NUDT5: variants seen among roughly 807,000 people sequenced by gnomAD.
NUDT5 encodes ADP-sugar pyrophosphatase.
A neutral mutation model predicts 34.1 loss-of-function variants in NUDT5; 21 were observed. The observed-to-expected ratio is 0.62, with a 90% CI of 0.44 to 0.89. The LOEUF is 0.89. Ranked by LOEUF, NUDT5 falls within the 40% of genes least tolerant of loss-of-function variation. NUDT5 has a pLI of 0.00. For synonymous variants in NUDT5, 85 were observed against 97.6 expected, an observed-to-expected ratio of 0.87 and a Z score of 0.76; for missense variants, 249 against 274.8, an observed-to-expected ratio of 0.91 and a Z score of 0.66.
rs571219776 is a variant in NUDT5 at position 12,172,871 on chromosome 10, G to A, written c.386-5C>T. 1.2e-6 allele frequency: 2 copies of A among 1,600,040 alleles called. No individual in the cohort carries two copies. Among genetic ancestry groups the A allele is most frequent in the South Asian group, 1.1e-5 (1 of 90,624 alleles). ...AGCCTGGGTCCATACAGACCGCTGT[G>A]GAGAGAAGGGACAGTCAGATGCGTC... On this transcript the variant is annotated splice_region_variant and splice_polypyrimidine_tract_variant and intron_variant, in intron 6 of 9. Coordinates refer to ENST00000491614, the MANE Select transcript of NUDT5 (RefSeq NM_014142.4).
intron 1 of NUDT5, among the ~76,000 whole-genome samples, chr10:12,193,672 T>C (rs992870936): frequency 6.6e-6 from 1 of 152,182 alleles, no homozygotes; most frequent in African/African-American, 2.4e-5. Context: ...GTTAAATGTG[T>C]AACAAGTTAC....
rs925433832 is a variant in NUDT5 at position 12,187,025 on chromosome 10, T to G, written c.-41-693A>C. Among the ~76,000 whole-genome samples the G allele has an allele frequency of 6.6e-6, 1 of 152,074 alleles. No homozygotes were observed. The highest frequency in any genetic ancestry group is 1.5e-5 in the Non-Finnish European group (1 of 68,028). ...ACCTCTCAGTCTTTTATCCATCTGT[T>G]ACACCTAAACTTACTTATTTTTTGA... is the stretch of plus-strand genomic sequence containing the variant. On this transcript the variant is annotated intron_variant, in intron 1 of 9. Coordinates refer to ENST00000491614, the MANE Select transcript of NUDT5 (RefSeq NM_014142.4). The surrounding 1 kb of genome is among the most constrained non-coding windows in gnomAD (Gnocchi z 5.4).
At position 12,182,799 on chromosome 10, in the gene NUDT5, C is replaced by T. The variant is rs1186143989; in HGVS notation, c.131+2090G>A. On this transcript the variant is annotated intron_variant, in intron 3 of 9. Transcript: ENST00000491614. The surrounding 1 kb of genome is among the most constrained non-coding windows in gnomAD (Gnocchi z 4.3). ...TCGCCCAGGCTGGAGTACAGTGGTGCAGTCTCGGCTCACTGCAACCACCTC... is the reference window on the plus strand; with the variant it reads ...TCGCCCAGGCTGGAGTACAGTGGTGTAGTCTCGGCTCACTGCAACCACCTC... Among the ~76,000 whole-genome samples, 1 of 152,130 alleles carries T rather than the reference C, an allele frequency of 6.6e-6. No homozygotes were observed. Among genetic ancestry groups the T allele is most frequent in the Non-Finnish European group, 1.5e-5 (1 of 68,016 alleles).
intron 1 of NUDT5, among the ~76,000 whole-genome samples, chr10:12,193,447 C>T (rs528048693): frequency 6.6e-6 from 1 of 152,286 alleles, no homozygotes. Context: ...TCTCCTCCCC[C>T]ATAATCACAT....
chr10:12,186,165 A>C, intron 2 of NUDT5, 64 bp downstream of exon 2: 1 of 1,193,572 alleles, frequency 8.4e-7, no homozygotes, highest in Non-Finnish European at 1.3e-6. Context: ...ACAACAGTCT[A>C]TATATTTCTG....
chr10:12,169,008 C>G lies in NUDT5; in HGVS notation c.551-1197G>C, dbSNP rs1429550869. Among the ~76,000 whole-genome samples the G allele has an allele frequency of 6.6e-6, 1 of 152,170 alleles. No homozygotes were observed. The highest frequency in any genetic ancestry group is 2.4e-5 in the African/African-American group (1 of 41,430). On this transcript the variant is annotated intron_variant, in intron 9 of 9. Transcript: ENST00000491614. This position sits in a 1 kb window ranked among gnomAD's most constrained non-coding sequence, Gnocchi z 4.8. ...GAGCTCCTGACCTCAAGTGATCAGCCTACCTCGGCCTCCCAAAGTGCTGGG... is the reference window on the plus strand; with the variant it reads ...GAGCTCCTGACCTCAAGTGATCAGCGTACCTCGGCCTCCCAAAGTGCTGGG...
In NUDT5 at chr10:12,175,308, G is replaced by A. The variant is rs759056696; in HGVS notation, c.290-1495C>T. On this transcript the variant is annotated intron_variant, in intron 5 of 9. Transcript: ENST00000491614. This position sits in a 1 kb window ranked among gnomAD's most constrained non-coding sequence, Gnocchi z 4.8. The stretch of plus-strand genomic sequence containing the variant: ...GCACTCTAGCTTGGGCAACAAAAGT[G>A]AAACTGCATCTCAAAAAATAAATAA... 6.6e-6 allele frequency among the ~76,000 whole-genome samples: 1 copy of A among 151,336 alleles called. No homozygotes were observed. The highest frequency in any genetic ancestry group is 1.5e-5 in the Non-Finnish European group (1 of 67,910).
rs1041010321 is a variant in NUDT5, at chr10:12,169,052, C to T, written c.551-1241G>A. 2.0e-5 allele frequency among the ~76,000 whole-genome samples: 3 copies of T among 152,148 alleles called. No individual in the cohort carries two copies. The highest frequency in any genetic ancestry group is 4.4e-5 in the Non-Finnish European group (3 of 68,028). On this transcript the variant is annotated intron_variant, in intron 9 of 9. Transcript: ENST00000491614. The surrounding 1 kb of genome is among the most constrained non-coding windows in gnomAD (Gnocchi z 4.8). Reference sequence around the variant, plus strand: ...TGCTGGGATTACAGGCGTGAGCCACCGCACCCGGCCAGCAAACTGATCTTA... The same window carrying T: ...TGCTGGGATTACAGGCGTGAGCCACTGCACCCGGCCAGCAAACTGATCTTA...
Position 12,170,617 on chromosome 10 carries a change from C to CA in NUDT5, c.550+99dup. On this transcript the variant is annotated intron_variant, in intron 9 of 9. Coordinates refer to ENST00000491614, the MANE Select transcript of NUDT5 (RefSeq NM_014142.4). This position sits in a 1 kb window ranked among gnomAD's most constrained non-coding sequence, Gnocchi z 4.9. ...TGCTAGGCATTTGACTTTAGTGATA[C>CA]AAAAAAGATAAAGAAATGGAGTTAT... The CA allele has an allele frequency of 8.7e-7, 1 of 1,153,108 alleles. No individual in the cohort carries two copies. Among genetic ancestry groups the CA allele is most frequent in the South Asian group, 1.3e-5 (1 of 79,194 alleles). The allele number at this position is 1,153,108 out of a possible 1,614,324, so 71.4% of individuals were successfully genotyped here.
In NUDT5 at chr10:12,175,897, AAGTG is replaced by A. The variant is rs1478251770; in HGVS notation, c.289+1892_289+1895del. The stretch of plus-strand genomic sequence containing the variant: ...GACCCCATCTCAAAGAAAAAAGAAA[AAGTG>A]AGAGAAGAATTTATTCACGTTAATA... On this transcript the variant is annotated intron_variant, in intron 5 of 9. Coordinates refer to ENST00000491614, the MANE Select transcript of NUDT5 (RefSeq NM_014142.4). The surrounding 1 kb of genome is among the most constrained non-coding windows in gnomAD (Gnocchi z 4.8). Among the ~76,000 whole-genome samples, 1 of 152,060 alleles carries A rather than the reference AAGTG, an allele frequency of 6.6e-6. No homozygotes were observed. The highest frequency in any genetic ancestry group is 1.5e-5 in the Non-Finnish European group (1 of 68,008).
Position 12,176,069 on chromosome 10 carries a change from T to C in NUDT5, c.289+1724A>G, listed in dbSNP as rs564538024. Among the ~76,000 whole-genome samples, 45 of 151,810 alleles carry C rather than the reference T, an allele frequency of 3.0e-4. No homozygotes were observed. The South Asian group carries it at 9.2e-3, about 31-fold the overall frequency. On this transcript the variant is annotated intron_variant, in intron 5 of 9. Transcript: ENST00000491614. ...AAAATTAGCCGGGTGTGGTGGCACA[T>C]GCCTGTAATCCCAGCTACTCAGGAG...
At position 12,165,378 on chromosome 10, in the gene NUDT5, T is replaced by G; in HGVS notation, c.*2324A>C. ...ATTTAAGAAAACTGATTCAGTTGTG[T>G]TGGAAAAAATAAAGAAATCTGATAT... On this transcript the variant is annotated 3_prime_UTR_variant, in exon 10 of 10. Transcript: ENST00000491614. The G allele has an allele frequency of 1.0e-6, 1 of 969,970 alleles. No homozygotes were observed. Among genetic ancestry groups the G allele is most frequent in the Non-Finnish European group, 1.2e-6 (1 of 815,958 alleles). 60.1% of individuals were successfully genotyped at this position (969,970 alleles called of 1,614,324 possible). A position where few individuals can be genotyped will look rare whatever the true frequency, so the allele number is the denominator to read the frequency against.
intron 4 of NUDT5, among the ~76,000 whole-genome samples, chr10:12,178,775 G>A (rs901733231): frequency 6.6e-6 from 1 of 152,150 alleles, no homozygotes; most frequent in Admixed American, 6.5e-5. Context: ...CCTTCCAACA[G>A]GACACAAGGA....
rs7092359 is a variant in NUDT5, at chr10:12,175,524, C to T, written c.290-1711G>A. ...GAATGCGGTGATGCACGCCTGCAGACCCAGCTACCCAGGAAGCCAAGGCAG... is the reference window on the plus strand; with the variant it reads ...GAATGCGGTGATGCACGCCTGCAGATCCAGCTACCCAGGAAGCCAAGGCAG... On this transcript the variant is annotated intron_variant, in intron 5 of 9. Transcript: ENST00000491614. This position sits in a 1 kb window ranked among gnomAD's most constrained non-coding sequence, Gnocchi z 4.8. Among the ~76,000 whole-genome samples, 138,175 of 151,878 alleles carry T rather than the reference C, an allele frequency of 0.91. 63,002 individuals carry two copies. The highest frequency in any genetic ancestry group is 0.97 in the East Asian group (5,013 of 5,148).
In NUDT5 at chr10:12,173,290, G is replaced by A. The variant is rs542806565; in HGVS notation, c.386-424C>T. On this transcript the variant is annotated intron_variant, in intron 6 of 9. Coordinates refer to ENST00000491614, the MANE Select transcript of NUDT5 (RefSeq NM_014142.4). This position sits in a 1 kb window ranked among gnomAD's most constrained non-coding sequence, Gnocchi z 4.7. ...TGCACTGGCGTGATCTTGGCTCACTGCAACCTCTGCCTCCTGGGTTCAATT... is the reference window on the plus strand; with the variant it reads ...TGCACTGGCGTGATCTTGGCTCACTACAACCTCTGCCTCCTGGGTTCAATT... Among the ~76,000 whole-genome samples the A allele has an allele frequency of 6.6e-6, 1 of 152,292 alleles. No individual in the cohort carries two copies. Among genetic ancestry groups the A allele is most frequent in the African/African-American group, 2.4e-5 (1 of 41,558 alleles).
chr10:12,170,429 G>C lies in NUDT5; in HGVS notation c.550+288C>G. 1 of 617,928 alleles carries C rather than the reference G, an allele frequency of 1.6e-6. No homozygotes were observed. Among genetic ancestry groups the C allele is most frequent in the Non-Finnish European group, 2.8e-6 (1 of 353,150 alleles). 38.3% of individuals were successfully genotyped at this position (617,928 alleles called of 1,614,324 possible). On this transcript the variant is annotated intron_variant, in intron 9 of 9. Transcript: ENST00000491614. This position sits in a 1 kb window ranked among gnomAD's most constrained non-coding sequence, Gnocchi z 4.9. ...CTATGGACTGAAGGTTTAAAGTGTA[G>C]AATCGTTTTGGCTACTCAGCAGGAA...
chr10:12,192,468 A>G (rs1261687210), intron 1 of NUDT5, among the ~76,000 whole-genome samples: 2 of 152,220 alleles, frequency 1.3e-5, no homozygotes, highest in African/African-American at 4.8e-5. Flanking sequence ...AAGAAAAGTC[A>G]CTTGATTTAG....
In NUDT5 at chr10:12,171,662, T is replaced by C. The variant is rs959294168; in HGVS notation, c.488-754A>G. Among the ~76,000 whole-genome samples the C allele has an allele frequency of 6.6e-6, 1 of 152,028 alleles. No individual in the cohort carries two copies. Among genetic ancestry groups the C allele is most frequent in the Non-Finnish European group, 1.5e-5 (1 of 68,006 alleles). ...TTTTCCACAGTGTCTCATATGTATA[T>C]GTGCAGTTCAAAAATTAAGATTTAT... On this transcript the variant is annotated intron_variant, in intron 7 of 9. Coordinates refer to ENST00000491614, the MANE Select transcript of NUDT5 (RefSeq NM_014142.4). This position sits in a 1 kb window ranked among gnomAD's most constrained non-coding sequence, Gnocchi z 4.2.
At chr10:12,167,933 T>C (rs1453586805) in intron 9 of NUDT5, 122 bp from the exon 10 acceptor site, 6 of 1,444,982 alleles carry the variant, frequency 4.2e-6, no homozygotes, top group Non-Finnish European at 5.4e-6. Context: ...ATGCTGGTGA[T>C]AACGTTTTTT....
Sources: gnomAD v4.1 joint callset for allele counts (sites outside exome capture counted in the v4.1 genomes callset) on GRCh38, gnomAD v4.1.1 for gene constraint, Gnocchi (gnomAD v3.1) non-coding constraint, MANE v1.5 for transcripts, NCBI Gene and HGNC (gene_info 2026-07-23, HGNC 2026-07-21) for gene names.